The following NAPG variants were observed in gnomAD, a reference collection of about 807,000 sequenced individuals.
The protein encoded by NAPG is NSF attachment protein gamma.
In NAPG, 25 loss-of-function variants were observed where a neutral mutation model predicts 48.4. That is an observed-to-expected ratio of 0.52 (90% CI 0.38 to 0.72). The LOEUF (loss-of-function observed/expected upper bound fraction) is 0.72. Ranked by LOEUF, NAPG falls within the 30% of genes least tolerant of loss-of-function variation. NAPG has a pLI of 0.00. For synonymous variants in NAPG, 139 were observed against 127.2 expected, an observed-to-expected ratio of 1.09 and a Z score of -0.62; for missense variants, 359 against 372.5, an observed-to-expected ratio of 0.96 and a Z score of 0.30.
chr18:10,527,115 A>G (rs1288592126), intron 1 of NAPG, among the ~76,000 whole-genome samples: 1 of 150,572 alleles, frequency 6.6e-6, no homozygotes, highest in Non-Finnish European at 1.5e-5. Context: ...CTGAACCCGG[A>G]AGGCAGAGCT....
At position 10,548,798 on chromosome 18, in the gene NAPG, T is replaced by C. The variant is rs73942693; in HGVS notation, c.666-169T>C. Among the ~76,000 whole-genome samples, 12,483 of 152,264 alleles carry C rather than the reference T, an allele frequency of 0.082. 633 individuals carry two copies. Among genetic ancestry groups the C allele is most frequent in the East Asian group, 0.25 (1,308 of 5,172 alleles). On this transcript the variant is annotated intron_variant, in intron 10 of 11. Coordinates refer to ENST00000322897, the MANE Select transcript of NAPG (RefSeq NM_003826.3). This position sits in a 1 kb window ranked among gnomAD's most constrained non-coding sequence, Gnocchi z 4.4. ...CGGGCCTGTCCTGTGCACTGTAGGCTGGTTAGCGGGATCCCCGGTCTCTGC... is the reference window on the plus strand; with the variant it reads ...CGGGCCTGTCCTGTGCACTGTAGGCCGGTTAGCGGGATCCCCGGTCTCTGC...
At position 10,526,085 on chromosome 18, in the gene NAPG, A is replaced by G. The variant is rs1567885666; in HGVS notation, c.-18A>G. ...GGCAGGGTCACCCTCTCTCCACGTC[A>G]GAGACCTGACTGTGGAGATGGCGGC... On this transcript the variant is annotated 5_prime_UTR_variant, in exon 1 of 12. Transcript: ENST00000322897. 1.2e-6 allele frequency: 2 copies of G among 1,611,976 alleles called. No individual in the cohort carries two copies. Among genetic ancestry groups the G allele is most frequent in the Admixed American group, 1.7e-5 (1 of 60,028 alleles).
At chr18:10,549,987 G>A (rs752104105) in intron 11 of NAPG, 90 bp from the exon 12 acceptor site, 55 of 1,341,240 alleles carry the variant, frequency 4.1e-5, no homozygotes, top group Non-Finnish European at 5.0e-5. Flanking sequence ...TCCTGAGGGT[G>A]GGGAGCCAGG....
At chr18:10,527,955 G>A (rs556141789) in intron 1 of NAPG, among the ~76,000 whole-genome samples, 192 of 152,238 alleles carry the variant, frequency 1.3e-3, no homozygotes, top group African/African-American at 4.3e-3. Context: ...GGAGGCTGAG[G>A]CGGGTGGATC....
rs1288374929 is a variant in NAPG, at chr18:10,548,349, T to G, written c.636T>G (p.Ala212=). ...LVHLHRNDYV[A]AERCVRESYS... ...ATCTACACAGAAATGACTATGTAGC[T>G]GCAGAAAGATGTGTCCGGGAGAGCT... The change falls in exon 10 of 12, where the codon GCT becomes GCG. Residue 212 remains alanine (A), a synonymous_variant. Coordinates refer to ENST00000322897, the MANE Select transcript of NAPG (RefSeq NM_003826.3). The surrounding 1 kb of genome is among the most constrained non-coding windows in gnomAD (Gnocchi z 4.4). 6.2e-7 allele frequency: 1 copy of G among 1,613,872 alleles called. No individual in the cohort carries two copies. The highest frequency in any genetic ancestry group is 1.1e-5 in the South Asian group (1 of 91,068).
rs367715961 is a variant in NAPG, at chr18:10,533,567, A to G, written c.227+14A>G. The G allele has an allele frequency of 8.8e-6, 14 of 1,591,384 alleles. No individual in the cohort carries two copies. Among genetic ancestry groups the G allele is most frequent in the Non-Finnish European group, 1.2e-5 (14 of 1,170,114 alleles). On this transcript the variant is annotated intron_variant, in intron 4 of 11. Transcript: ENST00000322897. The stretch of plus-strand genomic sequence containing the variant: ...TCATGCTGCCAAGTAAGTATTCTTC[A>G]TGTTTTCATGTATTTGCAAATTATG...
At chr18:10,545,215 G>A (rs2032238198) in intron 8 of NAPG, among the ~76,000 whole-genome samples, 1 of 152,080 alleles carries the variant, frequency 6.6e-6, no homozygotes, top group Admixed American at 6.5e-5. Flanking sequence ...GGGAGGCTGA[G>A]GCAAGAGAAT....
In NAPG at chr18:10,548,468, A is replaced by G. The variant is rs1009006320; in HGVS notation, c.665+90A>G. Reference sequence around the variant, plus strand: ...GCTGCTAGGACACATGTTCCTGGCCATGAAACTGTCATTTCTAAATCTTAG... The same window carrying G: ...GCTGCTAGGACACATGTTCCTGGCCGTGAAACTGTCATTTCTAAATCTTAG... On this transcript the variant is annotated intron_variant, in intron 10 of 11. Transcript: ENST00000322897. This position sits in a 1 kb window ranked among gnomAD's most constrained non-coding sequence, Gnocchi z 4.4. 13 of 1,030,572 alleles carry G rather than the reference A, an allele frequency of 1.3e-5. No individual in the cohort carries two copies. The highest frequency in any genetic ancestry group is 1.9e-5 in the Non-Finnish European group (13 of 670,428). The allele number at this position is 1,030,572 out of a possible 1,614,324, so 63.8% of individuals were successfully genotyped here. A position where few individuals can be genotyped will look rare whatever the true frequency, so the allele number is the denominator to read the frequency against.
Position 10,539,919 on chromosome 18 carries a change from T to G in NAPG, c.368+48T>G. On this transcript the variant is annotated intron_variant, in intron 6 of 11. Coordinates refer to ENST00000322897, the MANE Select transcript of NAPG (RefSeq NM_003826.3). This position sits in a 1 kb window ranked among gnomAD's most constrained non-coding sequence, Gnocchi z 4.7. ...TCTGCATAGAAGTCTTGTCTTTTTG[T>G]TTTAAAGAGGTCCCTGAAAAACAAG... The G allele has an allele frequency of 6.2e-7, 1 of 1,609,176 alleles. No individual in the cohort carries two copies. The highest frequency in any genetic ancestry group is 2.2e-5 in the East Asian group (1 of 44,866).
At chr18:10,549,370 T>C (rs2032338134) in intron 11 of NAPG, among the ~76,000 whole-genome samples, 1 of 152,228 alleles carries the variant, frequency 6.6e-6, no homozygotes, top group Non-Finnish European at 1.5e-5. Flanking sequence ...TTCTCCACTT[T>C]TCCTCTATCT....
intron 1 of NAPG, among the ~76,000 whole-genome samples, chr18:10,528,910 C>T (rs1421722430): frequency 2.0e-5 from 3 of 152,144 alleles, no homozygotes. Context: ...CTAATGATGA[C>T]GTAGTTCAAT....
intron 9 of NAPG, among the ~76,000 whole-genome samples, chr18:10,547,843 G>A (rs559443704): frequency 6.6e-6 from 1 of 152,236 alleles, no homozygotes; most frequent in South Asian, 2.1e-4. Flanking sequence ...GTTATCTGAA[G>A]TTTTCACTCA....
At chr18:10,528,390 A>G (rs148576180) in intron 1 of NAPG, among the ~76,000 whole-genome samples, 2 of 152,310 alleles carry the variant, frequency 1.3e-5, no homozygotes, top group East Asian at 3.9e-4. Flanking sequence ...ACAGAGGACT[A>G]AAAATAGGAT....
In NAPG at chr18:10,551,570, C is replaced by T. The variant is rs551668648; in HGVS notation, c.*1350C>T. Reference sequence around the variant, plus strand: ...CTGTTAATTGGAAAGAGGCTACAGACACCAGCAGTGTGCGTTCTGCAGGTA... The same window carrying T: ...CTGTTAATTGGAAAGAGGCTACAGATACCAGCAGTGTGCGTTCTGCAGGTA... On this transcript the variant is annotated 3_prime_UTR_variant, in exon 12 of 12. Coordinates refer to ENST00000322897, the MANE Select transcript of NAPG (RefSeq NM_003826.3). The T allele has an allele frequency of 6.6e-6, 1 of 152,322 alleles. No homozygotes were observed. The highest frequency in any genetic ancestry group is 2.1e-4 in the South Asian group (1 of 4,820). The allele number at this position is 152,322 out of a possible 1,614,324, so 9.4% of individuals were successfully genotyped here.
At position 10,548,197 on chromosome 18, in the gene NAPG, C is replaced by T; in HGVS notation, c.586-102C>T. 1.2e-6 allele frequency: 1 copy of T among 808,724 alleles called. No individual in the cohort carries two copies. Among genetic ancestry groups the T allele is most frequent in the South Asian group, 1.5e-5 (1 of 65,226 alleles). 50.1% of individuals were successfully genotyped at this position (808,724 alleles called of 1,614,324 possible). On this transcript the variant is annotated intron_variant, in intron 9 of 11. Transcript: ENST00000322897. This position sits in a 1 kb window ranked among gnomAD's most constrained non-coding sequence, Gnocchi z 4.4. ...ATTTATAAATCTCTGTTTATACAAACAAAGACTCTGAAAGTTAAACTCCAG... is the reference window on the plus strand; with the variant it reads ...ATTTATAAATCTCTGTTTATACAAATAAAGACTCTGAAAGTTAAACTCCAG...
chr18:10,535,330 C>T (rs1185686461), intron 5 of NAPG, among the ~76,000 whole-genome samples: 1 of 152,144 alleles, frequency 6.6e-6, no homozygotes, highest in African/African-American at 2.4e-5. Flanking sequence ...TAGCTGTTAA[C>T]ATACTTAGTT....
In NAPG at chr18:10,552,535, T is replaced by A. The variant is rs1458307964; in HGVS notation, c.*2315T>A. 6.6e-6 allele frequency: 1 copy of A among 152,240 alleles called. No individual in the cohort carries two copies. The highest frequency in any genetic ancestry group is 2.4e-5 in the African/African-American group (1 of 41,466). 9.4% of individuals were successfully genotyped at this position (152,240 alleles called of 1,614,324 possible). On this transcript the variant is annotated 3_prime_UTR_variant, in exon 12 of 12. Coordinates refer to ENST00000322897, the MANE Select transcript of NAPG (RefSeq NM_003826.3). ...GAAGTTTGCATGAATATGCTCAGAA[T>A]CTAATATTCAATGTTCTGTTACATT...
At chr18:10,536,874 C>A (rs2032043795) in intron 5 of NAPG, among the ~76,000 whole-genome samples, 1 of 151,764 alleles carries the variant, frequency 6.6e-6, no homozygotes, top group African/African-American at 2.4e-5. Context: ...CTTGAACTAC[C>A]CAAGGGTTGG....
intron 2 of NAPG, among the ~76,000 whole-genome samples, chr18:10,531,236 G>A (rs921966740): frequency 5.3e-5 from 8 of 152,040 alleles, no homozygotes; most frequent in African/African-American, 9.7e-5. Flanking sequence ...AACCTGATAC[G>A]CAAATCATAT....
Sources: allele counts gnomAD v4.1 joint callset (sites outside exome capture counted in the v4.1 genomes callset), GRCh38; gene constraint gnomAD v4.1.1; non-coding constraint Gnocchi (gnomAD v3.1); transcripts MANE v1.5; gene names NCBI Gene and HGNC (gene_info 2026-07-23, HGNC 2026-07-21).